Variants in LYST observed in about 807,000 individuals in gnomAD.
LYST encodes lysosomal-trafficking regulator.
Under a neutral mutation model 413.6 loss-of-function variants are expected in LYST, and 192 were observed. That is an observed-to-expected ratio of 0.46 (90% CI 0.41 to 0.52). The LOEUF (loss-of-function observed/expected upper bound fraction) is 0.52, where lower values mean the gene tolerates loss of function less well. Ranked by LOEUF, LYST falls within the 20% of genes least tolerant of loss-of-function variation. The probability of loss-of-function intolerance (pLI) is 0.00; values close to 1 mark genes in which losing one functional copy is unlikely to be tolerated. For synonymous variants in LYST, 1,525 were observed against 1,567.3 expected (o/e 0.97, Z 0.64); for missense variants, 3,815 against 4,499.9 (o/e 0.85, Z 4.35).
At chr1:235,839,455 C>T (rs994578324) in intron 1 of LYST, 1 of 152,016 alleles carries the variant, frequency 6.6e-6, no homozygotes, top group Admixed American at 6.5e-5. Context: ...CTGCACACGA[C>T]CATTTGGTTT....
chr1:235,698,643 G>A lies in LYST; in HGVS notation c.10375-1371C>T, dbSNP rs552236003. Among the ~76,000 whole-genome samples, 15 of 152,158 alleles carry A rather than the reference G, an allele frequency of 9.9e-5. 1 individual carries two copies. Among genetic ancestry groups the A allele is most frequent in the African/African-American group, 2.9e-4 (12 of 41,500 alleles). ...TCCCAGCACTTTGGGAGGCCGAGGC[G>A]GGCGGATCATGAAGTCAGGAGATCA... On this transcript the variant is annotated intron_variant, in intron 45 of 52. Coordinates refer to ENST00000389793, the MANE Select transcript of LYST (RefSeq NM_000081.4).
intron 34 of LYST, among the ~76,000 whole-genome samples, chr1:235,731,762 C>T (rs1318340502): frequency 2.0e-5 from 3 of 151,724 alleles, no homozygotes; most frequent in South Asian, 2.1e-4. Flanking sequence ...TTCATCATGT[C>T]GGCCAGGCTT....
intron 34 of LYST, among the ~76,000 whole-genome samples, chr1:235,732,009 A>C (rs545750606): frequency 6.6e-6 from 1 of 151,106 alleles, no homozygotes; most frequent in African/African-American, 2.4e-5. Context: ...AAATAAGAGA[A>C]AAAAATACCC....
intron 31 of LYST, among the ~76,000 whole-genome samples, chr1:235,739,940 C>T (rs1031862169): frequency 4.6e-5 from 7 of 151,914 alleles, no homozygotes; most frequent in East Asian, 1.9e-4. Flanking sequence ...CTGACAGACA[C>T]GAAGTAGTGG....
chr1:235,881,770 A>G (rs1354939319), intron 1 of LYST, among the ~76,000 whole-genome samples: 1 of 152,192 alleles, frequency 6.6e-6, no homozygotes, highest in East Asian at 1.9e-4. Context: ...AAAGCCTCTC[A>G]CAAAAGGACA....
intron 3 of LYST, chr1:235,828,794 A>G (rs1194055505): frequency 1.3e-6 from 1 of 782,390 alleles, no homozygotes; most frequent in East Asian, 1.3e-4. Flanking sequence ...ATCACTATAC[A>G]TGGTCTAACA....
intron 16 of LYST, among the ~76,000 whole-genome samples, chr1:235,778,384 TA>T (rs1162518233): frequency 2.0e-5 from 3 of 151,776 alleles, no homozygotes; most frequent in African/African-American, 7.3e-5. Context: ...TTTATTTATT[TA>T]TTTTTCCGAG....
intron 38 of LYST, among the ~76,000 whole-genome samples, chr1:235,727,332 C>T (rs1663977037): frequency 6.6e-6 from 1 of 152,006 alleles, no homozygotes. Context: ...CCATGTTGGC[C>T]AGGCTGGTCT....
chr1:235,858,602 T>C (rs1474470210), intron 1 of LYST, among the ~76,000 whole-genome samples: 1 of 152,214 alleles, frequency 6.6e-6, no homozygotes, highest in Admixed American at 6.5e-5. Flanking sequence ...CTCTTCATTA[T>C]CCACATTTAC....
In LYST at chr1:235,785,229, C is replaced by T. The variant is rs144451594; in HGVS notation, c.4862+1971G>A. Reference sequence around the variant, plus strand: ...GTTCTTAGATAGGCCTTCCCTGATCCACCCATCGTAAGTGTCAAACTCGAT... The same window carrying T: ...GTTCTTAGATAGGCCTTCCCTGATCTACCCATCGTAAGTGTCAAACTCGAT... On this transcript the variant is annotated intron_variant, in intron 14 of 52. Transcript: ENST00000389793. 2.2e-3 allele frequency among the ~76,000 whole-genome samples: 331 copies of T among 152,222 alleles called. 1 individual carries two copies. Among genetic ancestry groups the T allele is most frequent in the African/African-American group, 7.6e-3 (314 of 41,504 alleles).
chr1:235,706,962 T>G (rs767243198), intron 44 of LYST, among the ~76,000 whole-genome samples: 4 of 152,240 alleles, frequency 2.6e-5, no homozygotes, highest in Non-Finnish European at 5.9e-5. Context: ...GTAGGTTCTG[T>G]GTGTGCACTT....
At chr1:235,863,707 T>A (rs1188285031) in intron 1 of LYST, among the ~76,000 whole-genome samples, 2 of 152,084 alleles carry the variant, frequency 1.3e-5, no homozygotes, top group Non-Finnish European at 2.9e-5. Flanking sequence ...AAAATAATCA[T>A]GAAATCAAAG....
At chr1:235,756,279 GCTTT>G (rs1172139000) in intron 24 of LYST, among the ~76,000 whole-genome samples, 2 of 151,986 alleles carry the variant, frequency 1.3e-5, no homozygotes, top group African/African-American at 2.4e-5. Flanking sequence ...TACTAAAAAA[GCTTT>G]CTAAGTTTAC....
chr1:235,755,518 T>A lies in LYST; in HGVS notation c.7189A>T (p.Ile2397Phe). Residue 2397 changes from isoleucine (I) to phenylalanine (F), a missense_variant, in exon 25 of 53, where the codon ATC becomes TTC. Physicochemically the swap from Ile to Phe is conservative, Grantham distance 21. Coordinates refer to ENST00000389793, the MANE Select transcript of LYST (RefSeq NM_000081.4). ...RGTQELLECF[I>F]EMFFGRHIGL... ...ATATGTCGACCAAAGAACATTTCGA[T>A]GAAGCATTCTAACAATTCTTGAGTT... The A allele has an allele frequency of 6.2e-7, 1 of 1,613,932 alleles. No individual in the cohort carries two copies. Among genetic ancestry groups the A allele is most frequent in the Admixed American group, 1.7e-5 (1 of 60,030 alleles).
chr1:235,739,293 C>T (rs1665121711), intron 31 of LYST, among the ~76,000 whole-genome samples: 3 of 152,200 alleles, frequency 2.0e-5, no homozygotes, highest in African/African-American at 7.2e-5. Context: ...TAAGGCACCA[C>T]TGCCAATGCT....
intron 10 of LYST, among the ~76,000 whole-genome samples, chr1:235,797,732 AT>A (rs1671703900): frequency 6.6e-6 from 1 of 152,200 alleles, no homozygotes; most frequent in African/African-American, 2.4e-5. Flanking sequence ...TTTCTTAGAT[AT>A]GACACCAAAG....
At chr1:235,713,140 T>C in intron 42 of LYST, 5 of 984,754 alleles carry the variant, frequency 5.1e-6, no homozygotes, top group Non-Finnish European at 6.0e-6. Flanking sequence ...ATCTATTCTG[T>C]TGAGTCAATT....
intron 3 of LYST, 45 bp from the exon 4 acceptor site, chr1:235,813,106 A>C (rs202037607): frequency 1.6e-5 from 18 of 1,093,768 alleles, no homozygotes; most frequent in Non-Finnish European, 2.3e-5. Context: ...AGGCGATAAG[A>C]CACATCAGTT....
chr1:235,716,855 G>T (rs926258026), intron 40 of LYST, 77 bp from the exon 41 acceptor site: 2 of 798,228 alleles, frequency 2.5e-6, no homozygotes, highest in African/African-American at 1.7e-5. Flanking sequence ...TCTGCATCTT[G>T]TAAGTAGGTA....
Sources: gnomAD v4.1 joint callset for allele counts (sites outside exome capture counted in the v4.1 genomes callset) on GRCh38, gnomAD v4.1.1 for gene constraint, MANE v1.5 for transcripts, NCBI Gene and HGNC (gene_info 2026-07-23, HGNC 2026-07-21) for gene names.